The following ZNF367 variants were observed in gnomAD, a reference collection of about 807,000 sequenced individuals.
ZNF367 encodes C2H2 zinc finger protein ZFF29.
ZNF367 carries 11 observed loss-of-function variants against 31.8 expected under a neutral mutation model. The observed-to-expected ratio is 0.35, with a 90% CI of 0.22 to 0.57. ZNF367 has a LOEUF of 0.57. ZNF367 is among the 20% of genes least tolerant of loss of function. ZNF367 has a pLI of 0.85. For missense variants in ZNF367, 353 were observed against 484.1 expected (o/e 0.73, Z 2.54); for synonymous variants, 199 against 202.4 (o/e 0.98, Z 0.14).
chr9:96,407,475 A>G, intron 1 of ZNF367: 4 of 1,321,364 alleles, frequency 3.0e-6, no homozygotes, highest in Admixed American at 1.7e-5. Flanking sequence ...TGAAAAAAAG[A>G]CTATCAAAGA....
rs559490289 is a variant in ZNF367, at chr9:96,413,616, C to T, written c.420+3997G>A. Among the ~76,000 whole-genome samples, 15 of 152,224 alleles carry T rather than the reference C, an allele frequency of 9.9e-5. No homozygotes were observed. In the South Asian group the frequency reaches 1.0e-3, roughly 11 times the overall value. On this transcript the variant is annotated intron_variant, in intron 1 of 4. Transcript: ENST00000375256. ...AGGGACAAGGTGGGGAGCCTTGGAA[C>T]AACTTGTGGCAGAAGGCAGTTAGAC... is the stretch of plus-strand genomic sequence containing the variant.
chr9:96,402,561 T>C (rs1831619864), intron 1 of ZNF367, among the ~76,000 whole-genome samples: 1 of 140,552 alleles, frequency 7.1e-6, no homozygotes, highest in Non-Finnish European at 1.5e-5. Context: ...CAAGCGATTC[T>C]CCTGCCTCAG....
intron 1 of ZNF367, among the ~76,000 whole-genome samples, chr9:96,402,444 C>CTTTT (rs1174997133): frequency 0.023 from 1,497 of 65,994 alleles, no homozygotes; most frequent in Middle Eastern, 0.041. Context: ...TTCTTTCTTT[C>CTTTT]TTTTTTTTTT....
intron 4 of ZNF367, among the ~76,000 whole-genome samples, chr9:96,391,787 T>C (rs1366412464): frequency 6.6e-6 from 1 of 152,316 alleles, no homozygotes; most frequent in Non-Finnish European, 1.5e-5. Context: ...TTGCTTTGTT[T>C]TGAGACAGGG....
intron 2 of ZNF367, among the ~76,000 whole-genome samples, chr9:96,397,309 T>G (rs1163865760): frequency 1.3e-5 from 2 of 151,410 alleles, no homozygotes; most frequent in African/African-American, 4.9e-5. Flanking sequence ...ACAAGGGCCC[T>G]CTATACTTTT....
intron 1 of ZNF367, among the ~76,000 whole-genome samples, chr9:96,406,918 C>T (rs1302979930): frequency 1.4e-5 from 2 of 139,490 alleles, no homozygotes; most frequent in Non-Finnish European, 3.0e-5. Context: ...AGGAGAATGG[C>T]GTGAACCCGG....
chr9:96,417,990 G>A lies in ZNF367; in HGVS notation c.43C>T (p.Pro15Ser). ...FEAPMAENPP[P>S]PPPPVIFCHD... ...CAGAAGATGACGGGCGGCGGCGGCG[G>A]CGGCGGGTTCTCCGCCATGGGCGCC... Residue 15 changes from proline to serine, a missense_variant, in exon 1 of 5, where the codon CCG (proline) becomes TCG (serine). By Grantham distance (74) the Pro-to-Ser change is moderately conservative (BLOSUM62 -1). Transcript: ENST00000375256. This position sits in a 1 kb window ranked among gnomAD's most constrained non-coding sequence, Gnocchi z 5.0. 1.4e-6 allele frequency: 2 copies of A among 1,431,912 alleles called. No homozygotes were observed. The highest frequency in any genetic ancestry group is 9.1e-7 in the Non-Finnish European group (1 of 1,100,978). The allele number at this position is 1,431,912 out of a possible 1,614,324, so 88.7% of individuals were successfully genotyped here. A position where few individuals can be genotyped will look rare whatever the true frequency, so the allele number is the denominator to read the frequency against.
chr9:96,410,066 G>A (rs983879168), intron 1 of ZNF367, among the ~76,000 whole-genome samples: 2 of 151,444 alleles, frequency 1.3e-5, no homozygotes, highest in Admixed American at 1.3e-4. Context: ...ACGAGGTCAG[G>A]AGATTGAGAC....
chr9:96,408,591 T>C (rs1831701579), intron 1 of ZNF367, among the ~76,000 whole-genome samples: 1 of 151,760 alleles, frequency 6.6e-6, no homozygotes, highest in Non-Finnish European at 1.5e-5. Context: ...CTTAGAAGAG[T>C]GGTGGTGGCC....
intron 1 of ZNF367, among the ~76,000 whole-genome samples, chr9:96,416,388 G>A (rs1418273577): frequency 6.6e-6 from 1 of 152,142 alleles, no homozygotes. Context: ...ACCCGGCCCA[G>A]GTTCTGTTCT....
intron 1 of ZNF367, among the ~76,000 whole-genome samples, chr9:96,402,804 T>C (rs996561785): frequency 1.3e-5 from 2 of 151,594 alleles, no homozygotes; most frequent in African/African-American, 4.9e-5. Flanking sequence ...ATAAGACAAC[T>C]AGGCAGAAGA....
chr9:96,409,290 G>T (rs1831711588), intron 1 of ZNF367, among the ~76,000 whole-genome samples: 3 of 152,116 alleles, frequency 2.0e-5, no homozygotes, highest in Admixed American at 2.0e-4. Flanking sequence ...AATGCAAAAT[G>T]GACTAATACA....
At chr9:96,398,572 G>A (rs1026016485) in intron 1 of ZNF367, among the ~76,000 whole-genome samples, 1 of 152,086 alleles carries the variant, frequency 6.6e-6, no homozygotes, top group African/African-American at 2.4e-5. Context: ...TAAAAATGGT[G>A]AGGCAGGTAA....
intron 1 of ZNF367, among the ~76,000 whole-genome samples, chr9:96,400,901 A>G (rs982618245): frequency 6.6e-6 from 1 of 152,250 alleles, no homozygotes; most frequent in Admixed American, 6.5e-5. Flanking sequence ...CAAACTGTCA[A>G]ATGACAAAAA....
At chr9:96,414,321 T>C (rs1362196992) in intron 1 of ZNF367, among the ~76,000 whole-genome samples, 2 of 152,190 alleles carry the variant, frequency 1.3e-5, no homozygotes, top group Non-Finnish European at 2.9e-5. Flanking sequence ...TACCAAATAA[T>C]TTATGAAAGT....
At chr9:96,412,507 A>G (rs1831763354) in intron 1 of ZNF367, among the ~76,000 whole-genome samples, 1 of 152,164 alleles carries the variant, frequency 6.6e-6, no homozygotes, top group South Asian at 2.1e-4. Flanking sequence ...ATTCAGATTT[A>G]GATACAAACT....
rs570959577 is a variant in ZNF367 at position 96,411,613 on chromosome 9, C to G, written c.420+6000G>C. Among the ~76,000 whole-genome samples, 9 of 152,104 alleles carry G rather than the reference C, an allele frequency of 5.9e-5. No individual in the cohort carries two copies. The South Asian group carries it at 1.9e-3, about 32-fold the overall frequency. On this transcript the variant is annotated intron_variant, in intron 1 of 4. Transcript: ENST00000375256. ...TAAATATGCAAGAACATATTGCTGA[C>G]TTTTGCAATTTGAAATAACTGATTA...
At chr9:96,396,040 G>A (rs1831526487) in intron 2 of ZNF367, among the ~76,000 whole-genome samples, 1 of 152,098 alleles carries the variant, frequency 6.6e-6, no homozygotes, top group South Asian at 2.1e-4. Flanking sequence ...AGATATAGGG[G>A]GATTGTTTAA....
At chr9:96,394,572 AT>A (rs1391900863) in intron 3 of ZNF367, among the ~76,000 whole-genome samples, 1 of 152,246 alleles carries the variant, frequency 6.6e-6, no homozygotes, top group Non-Finnish European at 1.5e-5. Flanking sequence ...GCATGTCTGT[AT>A]CAAGTATCTC....
Sources: gnomAD v4.1 joint callset for allele counts (sites outside exome capture counted in the v4.1 genomes callset) on GRCh38, gnomAD v4.1.1 for gene constraint, Gnocchi (gnomAD v3.1) non-coding constraint, MANE v1.5 for transcripts, NCBI Gene and HGNC (gene_info 2026-07-23, HGNC 2026-07-21) for gene names.